TBC1D15: variants seen among roughly 807,000 people sequenced by gnomAD.
The protein encoded by TBC1D15 is TBC1 domain family member 15.
In TBC1D15, 39 loss-of-function variants were observed where a neutral mutation model predicts 95.4. That is an observed-to-expected ratio of 0.41 (90% CI 0.32 to 0.53). The LOEUF (loss-of-function observed/expected upper bound fraction) is 0.53. Ranked by LOEUF, TBC1D15 falls within the 20% of genes least tolerant of loss-of-function variation. The pLI is 0.29. For synonymous variants in TBC1D15, 258 were observed against 261.3 expected (o/e 0.99, Z 0.12); for missense variants, 733 against 794.3 (o/e 0.92, Z 0.93).
chr12:71,847,713 A>C (rs1472682408), intron 1 of TBC1D15, among the ~76,000 whole-genome samples: 2 of 151,850 alleles, frequency 1.3e-5, no homozygotes, highest in African/African-American at 4.8e-5. Flanking sequence ...CCCCACAAAT[A>C]ATATTCATTG....
At chr12:71,875,749 G>A (rs528455578) in intron 3 of TBC1D15, among the ~76,000 whole-genome samples, 2 of 151,874 alleles carry the variant, frequency 1.3e-5, no homozygotes, top group East Asian at 1.9e-4. Flanking sequence ...TGCTTTTCAT[G>A]TGTCTGTTCA....
chr12:71,864,472 C>T (rs1255931476), intron 1 of TBC1D15, among the ~76,000 whole-genome samples: 1 of 151,530 alleles, frequency 6.6e-6, no homozygotes, highest in Non-Finnish European at 1.5e-5. Flanking sequence ...GAATGACTTT[C>T]ACCTGCAGTT....
chr12:71,914,976 T>C (rs1903342086), intron 12 of TBC1D15, among the ~76,000 whole-genome samples: 1 of 152,086 alleles, frequency 6.6e-6, no homozygotes, highest in Admixed American at 6.6e-5. Flanking sequence ...TTTTTCTAAA[T>C]GTATACTTGG....
chr12:71,850,147 A>C (rs1887405599), intron 1 of TBC1D15: 1 of 546,404 alleles, frequency 1.8e-6, no homozygotes, highest in African/African-American at 1.9e-5. Flanking sequence ...TCTCATGATA[A>C]TCATATTATT....
At chr12:71,921,112 A>G (rs1869132159) in intron 15 of TBC1D15, among the ~76,000 whole-genome samples, 1 of 152,208 alleles carries the variant, frequency 6.6e-6, no homozygotes. Context: ...TCTTTTGATT[A>G]TAACTTTGAG....
intron 1 of TBC1D15, chr12:71,849,919 G>T (rs754125644): frequency 3.1e-5 from 17 of 556,790 alleles, no homozygotes; most frequent in African/African-American, 5.7e-5. Flanking sequence ...AGGATCAGTG[G>T]CTGGAAAAGG....
intron 5 of TBC1D15, among the ~76,000 whole-genome samples, chr12:71,886,580 C>T (rs1436105454): frequency 6.6e-6 from 1 of 152,192 alleles, no homozygotes; most frequent in Non-Finnish European, 1.5e-5. Context: ...AGAAGTGATA[C>T]AAAAACTGGA....
intron 5 of TBC1D15, among the ~76,000 whole-genome samples, chr12:71,889,567 A>G (rs1290696617): frequency 1.3e-5 from 2 of 152,216 alleles, no homozygotes; most frequent in African/African-American, 4.8e-5. Context: ...AGCTATTCCA[A>G]GTAAATATTC....
chr12:71,911,232 A>T (rs1428098149), intron 11 of TBC1D15, among the ~76,000 whole-genome samples: 7 of 152,276 alleles, frequency 4.6e-5, no homozygotes, highest in Middle Eastern at 3.4e-3. Context: ...TCAGGCATCT[A>T]GAACTAGAAA....
At chr12:71,840,901 GTTCT>G (rs1203955389) in intron 1 of TBC1D15, among the ~76,000 whole-genome samples, 1 of 152,054 alleles carries the variant, frequency 6.6e-6, no homozygotes, top group Non-Finnish European at 1.5e-5. Context: ...GTCTTTTCGC[GTTCT>G]TTATCTGTAG....
intron 1 of TBC1D15, among the ~76,000 whole-genome samples, chr12:71,869,827 A>G (rs1164551139): frequency 6.6e-6 from 1 of 152,110 alleles, no homozygotes; most frequent in Non-Finnish European, 1.5e-5. Context: ...AATTTAGTTT[A>G]TACTTCTGGA....
chr12:71,857,949 C>T (rs976210218), intron 1 of TBC1D15, among the ~76,000 whole-genome samples: 4 of 152,200 alleles, frequency 2.6e-5, no homozygotes, highest in African/African-American at 9.6e-5. Flanking sequence ...ATTTATCTTT[C>T]TGTGGCTGGT....
At chr12:71,883,074 G>A (rs1241836101) in intron 4 of TBC1D15, among the ~76,000 whole-genome samples, 2 of 151,502 alleles carry the variant, frequency 1.3e-5, no homozygotes, top group Non-Finnish European at 2.9e-5. Flanking sequence ...TCTGTGCAAC[G>A]AAGAATTTAA....
chr12:71,919,622 C>T (rs943087597), intron 14 of TBC1D15, among the ~76,000 whole-genome samples: 2 of 152,072 alleles, frequency 1.3e-5, no homozygotes, highest in Admixed American at 1.3e-4. Flanking sequence ...AGAAGTAAAA[C>T]CCACATGGTC....
intron 10 of TBC1D15, among the ~76,000 whole-genome samples, chr12:71,903,698 C>T (rs765027658): frequency 7.2e-5 from 11 of 152,134 alleles, no homozygotes; most frequent in Non-Finnish European, 1.2e-4. Context: ...ATAAAGAGAT[C>T]GTAGCCTTTG....
chr12:71,915,570 C>T (rs1903510908), intron 12 of TBC1D15, among the ~76,000 whole-genome samples: 1 of 151,436 alleles, frequency 6.6e-6, no homozygotes, highest in South Asian at 2.1e-4. Context: ...ATGCCACATA[C>T]ACACATGCAT....
At chr12:71,905,289 T>G (rs1305883135) in intron 10 of TBC1D15, among the ~76,000 whole-genome samples, 2 of 152,216 alleles carry the variant, frequency 1.3e-5, no homozygotes, top group African/African-American at 4.8e-5. Context: ...AATTAACTTA[T>G]GAACTTTATC....
intron 5 of TBC1D15, among the ~76,000 whole-genome samples, chr12:71,885,256 T>A (rs1896007100): frequency 1.3e-5 from 2 of 152,218 alleles, no homozygotes; most frequent in Non-Finnish European, 2.9e-5. Flanking sequence ...AAAAGGGTAG[T>A]TTAATATTTT....
At position 71,908,463 on chromosome 12, in the gene TBC1D15, G is replaced by A. The variant is rs117312703; in HGVS notation, c.1300+1325G>A. Among the ~76,000 whole-genome samples, 19 of 152,244 alleles carry A rather than the reference G, an allele frequency of 1.2e-4. No individual in the cohort carries two copies. The East Asian group carries it at 3.3e-3, about 26-fold the overall frequency. On this transcript the variant is annotated intron_variant, in intron 11 of 16. Transcript: ENST00000485960. ...TTTAGAGAAGGTGGTTGGATACTTA[G>A]CACATTAAAACTAAATGAACCTTGA...
Sources: allele counts gnomAD v4.1 joint callset (sites outside exome capture counted in the v4.1 genomes callset), GRCh38; gene constraint gnomAD v4.1.1; transcripts MANE v1.5; gene names NCBI Gene and HGNC (gene_info 2026-07-23, HGNC 2026-07-21).